Variants in GLDC observed in about 807,000 individuals in gnomAD.
GLDC encodes the protein glycine decarboxylase.
Under a neutral mutation model 121.3 loss-of-function variants are expected in GLDC, and 104 were observed. That is an observed-to-expected ratio of 0.86 (90% confidence interval 0.73 to 1.01). The LOEUF (loss-of-function observed/expected upper bound fraction) is 1.01, where lower values mean the gene tolerates loss of function less well. Among genes scored for constraint, GLDC ranks in the 50% least tolerant of loss-of-function variants. The pLI is 0.00. For synonymous variants in GLDC, 546 were observed against 480.6 expected, an observed-to-expected ratio of 1.14 and a Z score of -1.78; for missense variants, 1,429 against 1,306.6, an observed-to-expected ratio of 1.09 and a Z score of -1.44.
At chr9:6,542,868 G>T (rs572900821) in intron 21 of GLDC, among the ~76,000 whole-genome samples, 1 of 134,998 alleles carries the variant, frequency 7.4e-6, no homozygotes, top group Non-Finnish European at 1.6e-5. Context: ...CCTGGGTGAC[G>T]GAGTGAGACC....
chr9:6,538,482 A>T (rs1817183938), intron 22 of GLDC, among the ~76,000 whole-genome samples: 1 of 152,162 alleles, frequency 6.6e-6, no homozygotes, highest in Non-Finnish European at 1.5e-5. Flanking sequence ...ATGCTTTAAG[A>T]CCTGGAAACT....
At chr9:6,549,466 G>A (rs1817464712) in intron 21 of GLDC, among the ~76,000 whole-genome samples, 2 of 152,176 alleles carry the variant, frequency 1.3e-5, no homozygotes, top group African/African-American at 4.8e-5. Flanking sequence ...GCCAAGCACT[G>A]CCAGGGTTCT....
At chr9:6,573,090 G>T (rs747528441) in intron 15 of GLDC, among the ~76,000 whole-genome samples, 9 of 152,120 alleles carry the variant, frequency 5.9e-5, no homozygotes, top group Non-Finnish European at 1.2e-4. Context: ...TATTTCACAG[G>T]TGAACTTAAA....
chr9:6,588,297 A>G (rs1333481579), intron 14 of GLDC, 104 bp downstream of exon 14: 21 of 834,782 alleles, frequency 2.5e-5, no homozygotes, highest in Middle Eastern at 2.2e-4. Context: ...TAGTTCTTCA[A>G]TCACAGAATC....
chr9:6,574,461 C>T (rs906104180), intron 15 of GLDC, among the ~76,000 whole-genome samples: 3 of 147,956 alleles, frequency 2.0e-5, no homozygotes, highest in Non-Finnish European at 3.0e-5. Context: ...AGCAAGACTC[C>T]GTCTCAAAAA....
intron 15 of GLDC, among the ~76,000 whole-genome samples, chr9:6,578,637 T>C (rs1185109692): frequency 1.3e-5 from 2 of 151,760 alleles, no homozygotes; most frequent in Non-Finnish European, 1.5e-5. Flanking sequence ...CCTCCTGGAC[T>C]CAAGTGATCC....
At chr9:6,611,254 T>C (rs73639330) in intron 3 of GLDC, among the ~76,000 whole-genome samples, 4,587 of 152,318 alleles carry the variant, frequency 0.03, 218 homozygotes, top group African/African-American at 0.1. Context: ...GATATGTCAG[T>C]TAGCCAATTT....
At chr9:6,603,437 C>T (rs1341268531) in intron 7 of GLDC, among the ~76,000 whole-genome samples, 1 of 151,784 alleles carries the variant, frequency 6.6e-6, no homozygotes, top group Non-Finnish European at 1.5e-5. Context: ...TGGTGAAACC[C>T]TGTTTTTACA....
Position 6,539,279 on chromosome 9 carries a change from A to C in GLDC, c.2665+772T>G, listed in dbSNP as rs554280107. On this transcript the variant is annotated intron_variant, in intron 22 of 24. Coordinates refer to ENST00000321612, the MANE Select transcript of GLDC (RefSeq NM_000170.3). ...GATTGCCTGAGCTCAGGAGACTGAG[A>C]CCAGCCTGGCCAACATGGTGAAACC... is the stretch of plus-strand genomic sequence containing the variant. Among the ~76,000 whole-genome samples, 17 of 152,256 alleles carry C rather than the reference A, an allele frequency of 1.1e-4. No homozygotes were observed. The South Asian group carries it at 3.5e-3, about 32-fold the overall frequency.
intron 2 of GLDC, among the ~76,000 whole-genome samples, chr9:6,621,765 C>G (rs1245237252): frequency 1.3e-5 from 2 of 152,210 alleles, no homozygotes; most frequent in African/African-American, 4.8e-5. Context: ...ATCCGCCCAC[C>G]TCAGCCTCCC....
intron 2 of GLDC, among the ~76,000 whole-genome samples, chr9:6,624,369 C>T (rs1297666511): frequency 6.6e-6 from 1 of 152,150 alleles, no homozygotes; most frequent in Non-Finnish European, 1.5e-5. Context: ...ATAAGAAGAG[C>T]AAAATTGGGA....
intron 24 of GLDC, among the ~76,000 whole-genome samples, chr9:6,533,690 C>G (rs1215863768): frequency 1.3e-5 from 2 of 151,816 alleles, no homozygotes; most frequent in African/African-American, 4.8e-5. Context: ...GAAACCCCAT[C>G]TCTACTAAAA....
In GLDC at chr9:6,592,215, A is replaced by G; in HGVS notation, c.1410T>C (p.Ile470=). 6.3e-7 allele frequency: 1 copy of G among 1,596,436 alleles called. No individual in the cohort carries two copies. The highest frequency in any genetic ancestry group is 8.6e-7 in the Non-Finnish European group (1 of 1,164,250). ...FRLFEDGTLG[I]SLDETVNEKD... Reference sequence around the variant, plus strand: ...TTTCATTGACTGTTTCATCAAGAGAAATACCAAGCTACAGAAACACAAACA... The same window carrying G: ...TTTCATTGACTGTTTCATCAAGAGAGATACCAAGCTACAGAAACACAAACA... Residue 470 remains isoleucine (I), a synonymous_variant, in exon 11 of 25, where the codon ATT becomes ATC. Transcript: ENST00000321612.
At chr9:6,613,286 G>C (rs537759731) in intron 3 of GLDC, among the ~76,000 whole-genome samples, 1 of 152,174 alleles carries the variant, frequency 6.6e-6, no homozygotes, top group South Asian at 2.1e-4. Flanking sequence ...TTAACATTCA[G>C]GTGCATTTTT....
chr9:6,630,162 G>C (rs966453707), intron 2 of GLDC, among the ~76,000 whole-genome samples: 1 of 151,482 alleles, frequency 6.6e-6, no homozygotes, highest in Non-Finnish European at 1.5e-5. Flanking sequence ...TTAAAATGTT[G>C]GGAGGCTGAG....
intron 17 of GLDC, chr9:6,558,133 C>A (rs1817675663): frequency 3.7e-6 from 1 of 273,826 alleles, no homozygotes; most frequent in Non-Finnish European, 6.9e-6. Context: ...TGGTGGAAAC[C>A]AAGCTGCATG....
chr9:6,612,251 T>TCA (rs145465375), intron 3 of GLDC, among the ~76,000 whole-genome samples: 27 of 143,936 alleles, frequency 1.9e-4, no homozygotes, highest in African/African-American at 4.6e-4. Context: ...TCTCTCTCTC[T>TCA]CTCACACACA....
intron 15 of GLDC, among the ~76,000 whole-genome samples, chr9:6,584,534 T>C (rs1046731941): frequency 6.6e-6 from 1 of 151,988 alleles, no homozygotes; most frequent in African/African-American, 2.4e-5. Flanking sequence ...CAAAATAGGA[T>C]TGAAACAAGG....
chr9:6,571,227 T>G (rs1817960447), intron 15 of GLDC, among the ~76,000 whole-genome samples: 1 of 152,124 alleles, frequency 6.6e-6, no homozygotes, highest in African/African-American at 2.4e-5. Flanking sequence ...CAAGGCTTAT[T>G]AACAGTAGCC....
Sources: allele counts gnomAD v4.1 joint callset (sites outside exome capture counted in the v4.1 genomes callset), GRCh38; gene constraint gnomAD v4.1.1; transcripts MANE v1.5; gene names NCBI Gene and HGNC (gene_info 2026-07-23, HGNC 2026-07-21).